The following POM121C variants were observed in gnomAD, a reference collection of about 807,000 sequenced individuals.
POM121C encodes the protein POM121 transmembrane nucleoporin C, also known as nuclear envelope pore membrane protein POM 121C.
POM121C carries 20 observed loss-of-function variants against 66.4 expected under a neutral mutation model. The ratio of observed to expected loss-of-function variants is 0.30; its 90% CI spans 0.21 to 0.44. The LOEUF is 0.44. Among genes scored for constraint, POM121C ranks in the 20% least tolerant of loss-of-function variants. The pLI is 1.00. For missense variants in POM121C, 580 were observed against 1,225.7 expected (o/e 0.47, Z 7.87); for synonymous variants, 286 against 528.0 (o/e 0.54, Z 6.28).
intron 10 of POM121C, chr7:75,424,849 A>C: frequency 9.2e-7 from 1 of 1,082,370 alleles, no homozygotes; most frequent in Non-Finnish European, 1.3e-6. Context: ...AATCCCAGCT[A>C]CTTGGGAGGC....
intron 3 of POM121C, among the ~76,000 whole-genome samples, chr7:75,447,118 AAC>A (rs1790846363): frequency 6.8e-6 from 1 of 147,038 alleles, no homozygotes; most frequent in Admixed American, 6.8e-5. Flanking sequence ...TAAGCAAGAA[AAC>A]ACAGCCCATA....
chr7:75,459,953 C>T (rs1791391006), intron 3 of POM121C, among the ~76,000 whole-genome samples: 1 of 141,102 alleles, frequency 7.1e-6, no homozygotes, highest in Non-Finnish European at 1.5e-5. Flanking sequence ...TCTCTACAGC[C>T]ACCTATAAAA....
At position 75,458,713 on chromosome 7, in the gene POM121C, A is replaced by C. The variant is rs587697168; in HGVS notation, c.-152+15991T>G. Reference sequence around the variant, plus strand: ...GCTAATACAGAATATTTAAACAGGAACTACAGTCTCATAACATAACACTCA... The same window carrying C: ...GCTAATACAGAATATTTAAACAGGACCTACAGTCTCATAACATAACACTCA... On this transcript the variant is annotated intron_variant, in intron 3 of 14. Transcript: ENST00000615331. Among the ~76,000 whole-genome samples the C allele has an allele frequency of 1.4e-4, 21 of 152,194 alleles. 1 individual carries two copies. The South Asian group carries it at 4.4e-3, about 32-fold the overall frequency.
intron 7 of POM121C, among the ~76,000 whole-genome samples, chr7:75,434,540 G>T (rs1286335883): frequency 6.7e-6 from 1 of 149,482 alleles, no homozygotes; most frequent in East Asian, 2.0e-4. Context: ...GCTTCCCAAA[G>T]TGCTGGGATT....
chr7:75,478,428 T>C (rs1172030759), intron 1 of POM121C, among the ~76,000 whole-genome samples: 2 of 150,860 alleles, frequency 1.3e-5, no homozygotes, highest in African/African-American at 2.4e-5. Flanking sequence ...AGTTGTGGGA[T>C]GGGAAAATGG....
Position 75,419,387 on chromosome 7 carries a change from C to A in POM121C, c.2799G>T (p.Ser933=), listed in dbSNP as rs1045026. The part of the protein sequence containing the change: ...QNTPAPGVGT[S]GSSLSFGASS... Reference sequence around the variant, plus strand: ...ATGCCCCAAAGGAGAGGCTGCTGCCCGATGTGCCCACTCCAGGCGCAGGGG... The same window carrying A: ...ATGCCCCAAAGGAGAGGCTGCTGCCAGATGTGCCCACTCCAGGCGCAGGGG... Residue 933 remains serine, a synonymous_variant, in exon 14 of 15, where the codon TCG becomes TCT. Transcript: ENST00000615331. 7 of 1,613,730 alleles carry A rather than the reference C, an allele frequency of 4.3e-6. No homozygotes were observed. Among genetic ancestry groups the A allele is most frequent in the Non-Finnish European group, 5.9e-6 (7 of 1,179,800 alleles).
intron 1 of POM121C, among the ~76,000 whole-genome samples, chr7:75,481,386 T>C (rs1166509581): frequency 1.3e-5 from 2 of 152,100 alleles, no homozygotes; most frequent in African/African-American, 4.8e-5. Flanking sequence ...ACAACTTCTA[T>C]GTACTGAAAT....
chr7:75,467,388 C>T (rs1223491147), intron 3 of POM121C, among the ~76,000 whole-genome samples: 6 of 151,866 alleles, frequency 4.0e-5, no homozygotes, highest in Admixed American at 3.3e-4. Flanking sequence ...AAAAATTAGC[C>T]GGGTGTGGTG....
chr7:75,440,430 T>C lies in POM121C; in HGVS notation c.227+524A>G, dbSNP rs587758967. On this transcript the variant is annotated intron_variant, in intron 5 of 14. Transcript: ENST00000615331. Reference sequence around the variant, plus strand: ...AAAATACAAAAAAATTAGCTGGGCATGGTGGCGGGCGCCTGTAGTCCCAGC... The same window carrying C: ...AAAATACAAAAAAATTAGCTGGGCACGGTGGCGGGCGCCTGTAGTCCCAGC... Among the ~76,000 whole-genome samples, 452 of 151,580 alleles carry C rather than the reference T, an allele frequency of 3.0e-3. 3 individuals carry two copies. The highest frequency in any genetic ancestry group is 0.027 in the Middle Eastern group (8 of 292).
chr7:75,422,164 T>C lies in POM121C; in HGVS notation c.2088A>G (p.Pro696=), dbSNP rs1554470841. ...GCTGGGGGTTGGCTCCCGGATATGA[T>C]GGGAGCGGGGACTTGGCGCTTGAGC... ...PFGSSAKSPL[P]SYPGANPQPA... The change falls in exon 13 of 15, where the codon CCA becomes CCG. Residue 696 remains proline (P), a synonymous_variant. Transcript: ENST00000615331. 5.6e-6 allele frequency: 9 copies of C among 1,604,320 alleles called. No homozygotes were observed. The Admixed American group carries it at 6.7e-5, about 12-fold the overall frequency.
chr7:75,424,438 A>G (rs1554471404), intron 11 of POM121C, 88 bp downstream of exon 11: 1 of 1,541,622 alleles, frequency 6.5e-7, no homozygotes, highest in East Asian at 2.2e-5. Flanking sequence ...ATTTTCCCAG[A>G]GAAACCCATT....
chr7:75,448,211 T>C (rs1176539023), intron 3 of POM121C, among the ~76,000 whole-genome samples: 1 of 151,980 alleles, frequency 6.6e-6, no homozygotes, highest in African/African-American at 2.4e-5. Flanking sequence ...CATTCCAGCC[T>C]GGGTAACAGA....
At chr7:75,425,420 G>A in intron 9 of POM121C, 2 of 1,209,158 alleles carry the variant, frequency 1.7e-6, no homozygotes, top group South Asian at 1.6e-5. Flanking sequence ...GACTCAAACT[G>A]AGCTTACCTC....
chr7:75,441,259 G>C, intron 4 of POM121C, 144 bp from the exon 5 acceptor site: 1 of 1,371,736 alleles, frequency 7.3e-7, no homozygotes, highest in Non-Finnish European at 9.9e-7. Flanking sequence ...CTACTTTTTC[G>C]TTAACGGCAA....
intron 7 of POM121C, among the ~76,000 whole-genome samples, chr7:75,429,994 G>T (rs1436319128): frequency 6.6e-6 from 1 of 152,186 alleles, no homozygotes; most frequent in Non-Finnish European, 1.5e-5. Flanking sequence ...CACAGAGCAA[G>T]ACCCCTTGTC....
At chr7:75,474,195 A>T (rs1260721334) in intron 3 of POM121C, among the ~76,000 whole-genome samples, 2 of 152,010 alleles carry the variant, frequency 1.3e-5, no homozygotes, top group Non-Finnish European at 2.9e-5. Flanking sequence ...GGAGTTCAAG[A>T]CCAGCATGGC....
intron 5 of POM121C, among the ~76,000 whole-genome samples, chr7:75,439,558 T>TA (rs1176191554): frequency 3.9e-5 from 6 of 152,130 alleles, no homozygotes; most frequent in Non-Finnish European, 8.8e-5. Flanking sequence ...GCTAATTTCT[T>TA]AATTTTTTGT....
chr7:75,478,735 T>A, intron 1 of POM121C, among the ~76,000 whole-genome samples: 1 of 108,218 alleles, frequency 9.2e-6, no homozygotes, highest in Non-Finnish European at 1.8e-5. Context: ...GAAAGAAGAA[T>A]TAAAAGCAAA....
chr7:75,443,139 A>G (rs1226029610), intron 3 of POM121C, among the ~76,000 whole-genome samples: 2 of 151,982 alleles, frequency 1.3e-5, no homozygotes, highest in African/African-American at 4.8e-5. Flanking sequence ...TTCCATTTCT[A>G]CTTTACAAGT....
Sources: gnomAD v4.1 joint callset for allele counts (sites outside exome capture counted in the v4.1 genomes callset) on GRCh38, gnomAD v4.1.1 for gene constraint, MANE v1.5 for transcripts, NCBI Gene and HGNC (gene_info 2026-07-23, HGNC 2026-07-21) for gene names.